SQSTM1: variants seen among roughly 807,000 people sequenced by gnomAD.
SQSTM1 encodes the protein sequestosome-1.
In SQSTM1, 36 loss-of-function variants were observed where a neutral mutation model predicts 45.1. The observed-to-expected ratio is 0.80, with a 90% CI of 0.61 to 1.05. The LOEUF (loss-of-function observed/expected upper bound fraction) is 1.05, where lower values mean the gene tolerates loss of function less well. Among genes scored for constraint, SQSTM1 ranks in the 50% least tolerant of loss-of-function variants. SQSTM1 has a pLI of 0.00. For synonymous variants in SQSTM1, 290 were observed against 244.3 expected (o/e 1.19, Z -1.74); for missense variants, 617 against 607.1 (o/e 1.02, Z -0.17).
intron 1 of SQSTM1, among the ~76,000 whole-genome samples, chr5:179,810,159 T>C (rs369346991): frequency 6.6e-6 from 1 of 152,222 alleles, no homozygotes; most frequent in Non-Finnish European, 1.5e-5. Flanking sequence ...AGGGTACATG[T>C]GCACAATTTG....
At chr5:179,834,752 TAAG>T (rs1007272477) in intron 7 of SQSTM1, among the ~76,000 whole-genome samples, 18 of 151,572 alleles carry the variant, frequency 1.2e-4, no homozygotes, top group African/African-American at 4.1e-4. Flanking sequence ...ATCAACAGGA[TAAG>T]AATTTTTCTT....
chr5:179,834,244 T>TGG (rs1491377464), intron 7 of SQSTM1, among the ~76,000 whole-genome samples: 3 of 28,214 alleles, frequency 1.1e-4, no homozygotes, highest in Non-Finnish European at 1.7e-4. Flanking sequence ...AGTGGGGGGG[T>TGG]GGGGGGTGGG....
rs1258429492 is a variant in SQSTM1, at chr5:179,837,329, C to T, written c.*736C>T. 6.9e-6 allele frequency: 11 copies of T among 1,587,940 alleles called. No individual in the cohort carries two copies. The highest frequency in any genetic ancestry group is 9.4e-6 in the Non-Finnish European group (11 of 1,166,810). On this transcript the variant is annotated 3_prime_UTR_variant, in exon 8 of 8. Coordinates refer to ENST00000389805, the MANE Select transcript of SQSTM1 (RefSeq NM_003900.5). ...TTCTTACAGAGTATCTTTAAAAGTG[C>T]CTTAGGGGAACCCTGTCCCTCCTAA...
chr5:179,820,686 A>C, upstream of SQSTM1: 1 of 427,056 alleles, frequency 2.3e-6, no homozygotes, highest in East Asian at 3.8e-5. Flanking sequence ...TCCTTGGTGC[A>C]CCGGGGCAAT....
chr5:179,815,289 C>T (rs1259329286), upstream of SQSTM1, among the ~76,000 whole-genome samples: 3 of 151,966 alleles, frequency 2.0e-5, no homozygotes, highest in African/African-American at 7.3e-5. Context: ...TGGTGGTGGG[C>T]GCCTGTAATC....
chr5:179,826,448 T>C (rs566545373), intron 5 of SQSTM1, among the ~76,000 whole-genome samples: 5 of 152,018 alleles, frequency 3.3e-5, no homozygotes, highest in Non-Finnish European at 7.4e-5. Context: ...ATTACAGGTG[T>C]GAACCACTGC....
At chr5:179,809,554 G>A (rs1479579649) in intron 1 of SQSTM1, among the ~76,000 whole-genome samples, 1 of 149,924 alleles carries the variant, frequency 6.7e-6, no homozygotes, top group Admixed American at 6.7e-5. Context: ...GGTCAGGCTG[G>A]TCTCAAACTC....
chr5:179,834,483 G>A (rs1032932627), intron 7 of SQSTM1, among the ~76,000 whole-genome samples: 6 of 151,786 alleles, frequency 4.0e-5, no homozygotes, highest in Non-Finnish European at 7.4e-5. Context: ...CAGGGTCATA[G>A]GACAATAGTG....
chr5:179,807,129 G>A (rs1213560879), intron 1 of SQSTM1, among the ~76,000 whole-genome samples: 1 of 151,584 alleles, frequency 6.6e-6, no homozygotes, highest in Non-Finnish European at 1.5e-5. Flanking sequence ...CTCAGGTAAG[G>A]CTGGAGTGGG....
intron 1 of SQSTM1, chr5:179,807,619 C>T (rs1275791747): frequency 6.8e-6 from 1 of 146,854 alleles, no homozygotes; most frequent in African/African-American, 2.5e-5. Flanking sequence ...CCCACGCCTT[C>T]ATTGTTTTTT....
upstream of SQSTM1, among the ~76,000 whole-genome samples, chr5:179,818,549 G>C (rs944109403): frequency 6.6e-6 from 1 of 152,182 alleles, no homozygotes; most frequent in Non-Finnish European, 1.5e-5. Context: ...GGCAGCAACA[G>C]ACAGAACCAG....
chr5:179,823,745 A>G (rs1582007373), intron 2 of SQSTM1, 113 bp from the exon 3 acceptor site: 1 of 1,208,420 alleles, frequency 8.3e-7, no homozygotes, highest in South Asian at 1.3e-5. Context: ...TGTGGATTCC[A>G]TGCTGGAGAG....
chr5:179,806,403 C>T (rs1757157841), upstream of SQSTM1: 5 of 869,160 alleles, frequency 5.8e-6, no homozygotes, highest in Non-Finnish European at 7.2e-6. This position sits in a 1 kb window ranked among gnomAD's most constrained non-coding sequence, Gnocchi z 4.6. Context: ...GGCTTCCGGC[C>T]GCCTTCCGCG....
chr5:179,809,475 T>A (rs1243881091), intron 1 of SQSTM1, among the ~76,000 whole-genome samples: 2 of 151,408 alleles, frequency 1.3e-5, no homozygotes, highest in African/African-American at 4.9e-5. Flanking sequence ...TAGCTGGGAT[T>A]ACAGGTGCAC....
At chr5:179,815,823 TCTG>T (rs1287744419), upstream of SQSTM1, among the ~76,000 whole-genome samples, 2 of 152,126 alleles carry the variant, frequency 1.3e-5, no homozygotes, top group Non-Finnish European at 1.5e-5. Flanking sequence ...CCCCACGCCT[TCTG>T]CTCCAGAGCA....
Position 179,823,064 on chromosome 5 carries a change from G to C in SQSTM1, c.301+11G>C, listed in dbSNP as rs1209133401. On this transcript the variant is annotated intron_variant, in intron 2 of 7. Coordinates refer to ENST00000389805, the MANE Select transcript of SQSTM1 (RefSeq NM_003900.5). ...GAATCTACATTAAAGGTAAGGGGCT[G>C]CTCTGGGGGCTGCCTGAAGCCAGCT... The C allele has an allele frequency of 1.2e-6, 2 of 1,612,028 alleles. No homozygotes were observed.
At chr5:179,827,491 G>A (rs879494065) in intron 5 of SQSTM1, among the ~76,000 whole-genome samples, 8 of 152,020 alleles carry the variant, frequency 5.3e-5, no homozygotes, top group Non-Finnish European at 1.0e-4. Flanking sequence ...TCACCTTGTT[G>A]GCCAGGATGG....
chr5:179,814,438 T>TG (rs1757520272), upstream of SQSTM1, among the ~76,000 whole-genome samples: 1 of 152,182 alleles, frequency 6.6e-6, no homozygotes, highest in African/African-American at 2.4e-5. Flanking sequence ...TCTATGCCTG[T>TG]GGGGATAATC....
chr5:179,831,917 G>C (rs1269763342), intron 5 of SQSTM1, among the ~76,000 whole-genome samples: 1 of 151,818 alleles, frequency 6.6e-6, no homozygotes, highest in East Asian at 2.0e-4. Context: ...CCGAGTAACT[G>C]AGACTACAGG....
Sources: gnomAD v4.1 joint callset for allele counts (sites outside exome capture counted in the v4.1 genomes callset) on GRCh38, gnomAD v4.1.1 for gene constraint, Gnocchi (gnomAD v3.1) non-coding constraint, MANE v1.5 for transcripts, NCBI Gene and HGNC (gene_info 2026-07-23, HGNC 2026-07-21) for gene names.